ME2: variants seen among roughly 807,000 people sequenced by gnomAD.
ME2 encodes malic enzyme 2.
ME2 carries 60 observed loss-of-function variants against 73.7 expected under a neutral mutation model. The ratio of observed to expected loss-of-function variants is 0.81; its 90% CI spans 0.66 to 1.01. The LOEUF (loss-of-function observed/expected upper bound fraction) is 1.01. ME2 is among the 50% of genes least tolerant of loss of function. The probability of loss-of-function intolerance (pLI) is 0.00; values close to 1 mark genes in which losing one functional copy is unlikely to be tolerated. For missense variants in ME2, 594 were observed against 705.5 expected, an observed-to-expected ratio of 0.84 and a Z score of 1.79; for synonymous variants, 199 against 236.9, an observed-to-expected ratio of 0.84 and a Z score of 1.47.
rs534743187 is a variant in ME2 at position 50,927,117 on chromosome 18, T to G, written c.1314+1219T>G. ...TATAGCCCAATTACAAATATCTGCCTATAAATCACTTGACATTTGGGTTTT... is the reference window on the plus strand; with the variant it reads ...TATAGCCCAATTACAAATATCTGCCGATAAATCACTTGACATTTGGGTTTT... On this transcript the variant is annotated intron_variant, in intron 12 of 15. Coordinates refer to ENST00000321341, the MANE Select transcript of ME2 (RefSeq NM_002396.5). Among the ~76,000 whole-genome samples, 12 of 152,348 alleles carry G rather than the reference T, an allele frequency of 7.9e-5. No individual in the cohort carries two copies. In the East Asian group the frequency reaches 1.5e-3, roughly 20 times the overall value.
At position 50,938,889 on chromosome 18, in the gene ME2, A is replaced by G. The variant is rs1297748121; in HGVS notation, c.1418-681A>G. On this transcript the variant is annotated intron_variant, in intron 13 of 15. Transcript: ENST00000321341. ...GTGAAATAACAATGTTAAATACTAA[A>G]AAATCAAAGTAAAGGAAAAAGGACA... Among the ~76,000 whole-genome samples, 3 of 152,218 alleles carry G rather than the reference A, an allele frequency of 2.0e-5. No individual in the cohort carries two copies. The East Asian group carries it at 5.8e-4, about 29-fold the overall frequency.
At chr18:50,926,506 G>C (rs1568171378) in intron 12 of ME2, among the ~76,000 whole-genome samples, 1 of 152,142 alleles carries the variant, frequency 6.6e-6, no homozygotes, top group Non-Finnish European at 1.5e-5. Context: ...TATTCCACAT[G>C]GGGATTATAC....
At chr18:50,916,701 T>C (rs1568167550) in intron 5 of ME2, 1 of 152,516 alleles carries the variant, frequency 6.6e-6, no homozygotes, top group East Asian at 1.9e-4. Flanking sequence ...GCCTATTTAG[T>C]TATCTTTCAT....
At chr18:50,925,135 G>C (rs1337757358) in intron 11 of ME2, among the ~76,000 whole-genome samples, 1 of 152,076 alleles carries the variant, frequency 6.6e-6, no homozygotes, top group Admixed American at 6.6e-5. Flanking sequence ...CATCCATGTG[G>C]TAGCAAGTTT....
chr18:50,879,360 G>C (rs1187822261), intron 1 of ME2, 52 bp downstream of exon 1: 1 of 151,636 alleles, frequency 6.6e-6, no homozygotes, highest in Non-Finnish European at 1.5e-5. Flanking sequence ...AGGAGCGGGC[G>C]CCGGCCTCCC....
At chr18:50,893,465 C>T (rs945340841) in intron 1 of ME2, among the ~76,000 whole-genome samples, 2 of 152,134 alleles carry the variant, frequency 1.3e-5, no homozygotes, top group African/African-American at 4.8e-5. Flanking sequence ...GTTGTGTTAC[C>T]TTTCCCCTGA....
At chr18:50,914,841 T>C (rs1030464704) in intron 4 of ME2, among the ~76,000 whole-genome samples, 1 of 152,226 alleles carries the variant, frequency 6.6e-6, no homozygotes, top group Admixed American at 6.5e-5. Flanking sequence ...CCTGCGTTTC[T>C]TCTTTTTTTC....
chr18:50,927,039 A>G (rs966452258), intron 12 of ME2, among the ~76,000 whole-genome samples: 3 of 152,158 alleles, frequency 2.0e-5, no homozygotes, highest in Non-Finnish European at 2.9e-5. Flanking sequence ...TTTTATTTAC[A>G]TCCGAACTGT....
rs765033200 is a variant in ME2 at position 50,912,866 on chromosome 18, A to G, written c.308A>G (p.Asp103Gly). 5.6e-6 allele frequency: 9 copies of G among 1,608,384 alleles called. No individual in the cohort carries two copies. Among genetic ancestry groups the G allele is most frequent in the Non-Finnish European group, 7.7e-6 (9 of 1,175,520 alleles). The change falls in exon 4 of 16, where the codon GAC (aspartate) becomes GGC (glycine). Residue 103 changes from aspartate to glycine, a missense_variant. By Grantham distance (94) the Asp-to-Gly change is moderately conservative (BLOSUM62 -1). Coordinates refer to ENST00000321341, the MANE Select transcript of ME2 (RefSeq NM_002396.5). Reference sequence around the variant, plus strand: ...TTGTTTTATAGAATACTGCAAGATGACATTGAGAGTTTAATGCCAATTGTA... The same window carrying G: ...TTGTTTTATAGAATACTGCAAGATGGCATTGAGAGTTTAATGCCAATTGTA... ...EKLFYRILQD[D>G]IESLMPIVYT...
chr18:50,946,089 A>G (rs1446163873), intron 15 of ME2, among the ~76,000 whole-genome samples: 1 of 150,426 alleles, frequency 6.6e-6, no homozygotes, highest in Non-Finnish European at 1.5e-5. Context: ...AAATAAATCC[A>G]TAACAGAGCA....
intron 13 of ME2, chr18:50,934,036 C>T (rs1199922038): frequency 6.6e-6 from 1 of 152,046 alleles, no homozygotes; most frequent in Admixed American, 6.6e-5. Flanking sequence ...TTTATTTATA[C>T]ACATGGTGTA....
At chr18:50,913,050 A>G in intron 4 of ME2, 100 bp downstream of exon 4, 6 of 1,101,340 alleles carry the variant, frequency 5.4e-6, no homozygotes, top group Non-Finnish European at 7.6e-6. Context: ...TGTTAGCCAA[A>G]TCACATTTCC....
Position 50,950,467 on chromosome 18 carries a change from C to CCTTTTTTTTTTTTTTTTTTTTTT in ME2, c.*3283_*3284insCTTTTTTTTTTTTTTTTTTTTTT, listed in dbSNP as rs1320031263. The CCTTTTTTTTTTTTTTTTTTTTTT allele has an allele frequency of 4.4e-5, 2 of 45,074 alleles. 1 individual carries two copies. The highest frequency in any genetic ancestry group is 1.8e-4 in the African/African-American group (2 of 11,286). The allele number at this position is 45,074 out of a possible 1,614,324, so 2.8% of individuals were successfully genotyped here. A position where few individuals can be genotyped will look rare whatever the true frequency, so the allele number is the denominator to read the frequency against. On this transcript the variant is annotated 3_prime_UTR_variant, in exon 16 of 16. Coordinates refer to ENST00000321341, the MANE Select transcript of ME2 (RefSeq NM_002396.5). ...GCCTGGGGTGGGGCCTCAGATTCTG[C>CCTTTTTTTTTTTTTTTTTTTTTT]TTTTTTTTTTTTTTTTTTTTTTTTT...
At chr18:50,883,868 C>T (rs1210075746) in intron 1 of ME2, among the ~76,000 whole-genome samples, 1 of 151,546 alleles carries the variant, frequency 6.6e-6, no homozygotes, top group Non-Finnish European at 1.5e-5. Flanking sequence ...GTCTAAAAAA[C>T]AAAAAAAGAA....
At chr18:50,919,697 C>T (rs993652189) in intron 7 of ME2, among the ~76,000 whole-genome samples, 4 of 152,116 alleles carry the variant, frequency 2.6e-5, no homozygotes, top group African/African-American at 4.8e-5. Context: ...ATATGAGCTA[C>T]GTATCACTGG....
chr18:50,917,462 C>T lies in ME2; in HGVS notation c.584C>T (p.Pro195Leu), dbSNP rs1303844300. 6.2e-7 allele frequency: 1 copy of T among 1,613,170 alleles called. No individual in the cohort carries two copies. The highest frequency in any genetic ancestry group is 1.7e-5 in the Admixed American group (1 of 59,988). ...CLYTACAGIRPDRCLPVCIDV... is the reference protein window; with the variant it reads ...CLYTACAGIRLDRCLPVCIDV... ...TATACAGCTTGTGCAGGAATACGGC[C>T]TGATAGATGCCTGCCAGTGTGTATT... The change falls in exon 6 of 16, where the codon CCT (proline) becomes CTT (leucine). Residue 195 changes from proline (P) to leucine (L), a missense_variant. Pro to Leu is a moderately conservative substitution (Grantham distance 98, BLOSUM62 -3). Transcript: ENST00000321341.
chr18:50,925,670 T>A lies in ME2; in HGVS notation c.1172-86T>A, dbSNP rs1917533517. 6.7e-5 allele frequency: 73 copies of A among 1,095,402 alleles called. No homozygotes were observed. In the South Asian group the frequency reaches 9.6e-4, roughly 14 times the overall value. The allele number at this position is 1,095,402 out of a possible 1,614,324, so 67.9% of individuals were successfully genotyped here. A position where few individuals can be genotyped will look rare whatever the true frequency, so the allele number is the denominator to read the frequency against. On this transcript the variant is annotated intron_variant, in intron 11 of 15. Coordinates refer to ENST00000321341, the MANE Select transcript of ME2 (RefSeq NM_002396.5). Reference sequence around the variant, plus strand: ...GAGATATTACCTGTGTTTTTATTATTGTAGGCCTATTGTAGAAATGCTATT... The same window carrying A: ...GAGATATTACCTGTGTTTTTATTATAGTAGGCCTATTGTAGAAATGCTATT...
chr18:50,918,257 G>T (rs922708827), intron 7 of ME2, 44 bp downstream of exon 7: 1 of 1,334,174 alleles, frequency 7.5e-7, no homozygotes, highest in East Asian at 2.3e-5. Context: ...CTTTAATGGG[G>T]TGGGTGGGGT....
At chr18:50,925,685 G>A (rs1426830929) in intron 11 of ME2, 71 bp from the exon 12 acceptor site, 1 of 1,296,512 alleles carries the variant, frequency 7.7e-7, no homozygotes, top group Non-Finnish European at 1.1e-6. Flanking sequence ...GCCTATTGTA[G>A]AAATGCTATT....
Sources: allele counts gnomAD v4.1 joint callset (sites outside exome capture counted in the v4.1 genomes callset), GRCh38; gene constraint gnomAD v4.1.1; transcripts MANE v1.5; gene names NCBI Gene and HGNC (gene_info 2026-07-23, HGNC 2026-07-21).